The following PPP2R5E variants were observed in gnomAD, a reference collection of about 807,000 sequenced individuals.
The protein encoded by PPP2R5E is serine/threonine-protein phosphatase 2A 56 kDa regulatory subunit epsilon isoform.
In PPP2R5E, 4 loss-of-function variants were observed where a neutral mutation model predicts 65.3. The observed-to-expected ratio is 0.06, with a 90% CI of 0.03 to 0.14. The LOEUF (loss-of-function observed/expected upper bound fraction) is 0.14. Among genes scored for constraint, PPP2R5E ranks in the 10% least tolerant of loss-of-function variants. The probability of loss-of-function intolerance (pLI) is 1.00; values close to 1 mark genes in which losing one functional copy is unlikely to be tolerated. For missense variants in PPP2R5E, 274 were observed against 556.1 expected (o/e 0.49, Z 5.10); for synonymous variants, 183 against 187.4 (o/e 0.98, Z 0.19).
At chr14:63,443,980 C>T (rs1347123646) in intron 3 of PPP2R5E, among the ~76,000 whole-genome samples, 1 of 152,204 alleles carries the variant, frequency 6.6e-6, no homozygotes, top group African/African-American at 2.4e-5. Flanking sequence ...TGATTCCTCT[C>T]TGCCTTCAAT....
At chr14:63,495,417 C>CAAAAAAA (rs772700927) in intron 2 of PPP2R5E, among the ~76,000 whole-genome samples, 13,603 of 92,394 alleles carry the variant, frequency 0.15, 934 homozygotes, top group East Asian at 0.35. Context: ...ACTAAAAATA[C>CAAAAAAA]AAAAAAAAAA....
At chr14:63,398,190 A>G (rs1174416613) in intron 5 of PPP2R5E, among the ~76,000 whole-genome samples, 1 of 152,214 alleles carries the variant, frequency 6.6e-6, no homozygotes, top group African/African-American at 2.4e-5. Flanking sequence ...AACAGATTCA[A>G]CTCAATCTCT....
At chr14:63,454,587 T>G (rs1889019128) in intron 2 of PPP2R5E, among the ~76,000 whole-genome samples, 1 of 152,238 alleles carries the variant, frequency 6.6e-6, no homozygotes, top group Non-Finnish European at 1.5e-5. Context: ...AATGGACATC[T>G]GCTCTTTTCC....
intron 2 of PPP2R5E, among the ~76,000 whole-genome samples, chr14:63,473,169 A>G (rs1350939310): frequency 1.3e-5 from 2 of 152,238 alleles, no homozygotes; most frequent in African/African-American, 2.4e-5. Flanking sequence ...TGAAACAATC[A>G]GACAGAGAAG....
intron 3 of PPP2R5E, among the ~76,000 whole-genome samples, chr14:63,448,297 A>C (rs537741988): frequency 6.6e-6 from 1 of 152,232 alleles, no homozygotes; most frequent in Non-Finnish European, 1.5e-5. Flanking sequence ...ACTCCATCTC[A>C]AAAATAAATA....
chr14:63,470,820 C>G (rs1056095523), intron 2 of PPP2R5E, among the ~76,000 whole-genome samples: 1 of 147,116 alleles, frequency 6.8e-6, no homozygotes, highest in Non-Finnish European at 1.5e-5. Flanking sequence ...GAAAGACCTC[C>G]GTCTCTACAA....
intron 11 of PPP2R5E, 101 bp from the exon 12 acceptor site, chr14:63,384,672 T>C: frequency 1.0e-6 from 1 of 977,552 alleles, no homozygotes; most frequent in Non-Finnish European, 1.5e-6. Flanking sequence ...AGGCTATTTG[T>C]AAATCATTCA....
At chr14:63,423,356 C>G (rs377539431) in intron 3 of PPP2R5E, among the ~76,000 whole-genome samples, 1 of 152,312 alleles carries the variant, frequency 6.6e-6, no homozygotes. Flanking sequence ...TTCAGCCTCC[C>G]AAAGTGCAGG....
chr14:63,397,118 A>T (rs1357096542), intron 5 of PPP2R5E, among the ~76,000 whole-genome samples: 1 of 152,234 alleles, frequency 6.6e-6, no homozygotes, highest in African/African-American at 2.4e-5. Flanking sequence ...AATAGGTGGT[A>T]AAGCTAGAAT....
At chr14:63,420,819 G>A (rs1334085969) in intron 4 of PPP2R5E, among the ~76,000 whole-genome samples, 2 of 100,886 alleles carry the variant, frequency 2.0e-5, no homozygotes, top group Non-Finnish European at 3.8e-5. Flanking sequence ...TTGGGAGGCC[G>A]AGGCGGGCGG....
chr14:63,433,032 G>GTTTTTTTTTTTTTT (rs747571866), intron 3 of PPP2R5E, among the ~76,000 whole-genome samples: 1 of 96,464 alleles, frequency 1.0e-5, no homozygotes, highest in Non-Finnish European at 2.1e-5. Flanking sequence ...GTTTTGTTTT[G>GTTTTTTTTTTTTTT]TTTTTTTTTT....
intron 2 of PPP2R5E, among the ~76,000 whole-genome samples, chr14:63,488,726 G>A (rs1287791793): frequency 3.3e-5 from 5 of 151,868 alleles, no homozygotes; most frequent in African/African-American, 1.2e-4. Context: ...GCGCATACCT[G>A]TAGTCCCAGC....
At chr14:63,470,649 C>A (rs975715975) in intron 2 of PPP2R5E, among the ~76,000 whole-genome samples, 3 of 150,430 alleles carry the variant, frequency 2.0e-5, no homozygotes, top group Admixed American at 6.6e-5. Context: ...ATAAAACAAG[C>A]AAATTATCTG....
At chr14:63,401,260 T>C (rs142441417) in intron 5 of PPP2R5E, among the ~76,000 whole-genome samples, 68 of 152,238 alleles carry the variant, frequency 4.5e-4, no homozygotes, top group African/African-American at 1.5e-3. Context: ...TGAGCTCTGA[T>C]TTCCAAAACA....
At chr14:63,487,983 A>G (rs1891077806) in intron 2 of PPP2R5E, among the ~76,000 whole-genome samples, 2 of 152,194 alleles carry the variant, frequency 1.3e-5, no homozygotes, top group Admixed American at 6.5e-5. Flanking sequence ...TCTCCAAAAT[A>G]AAAAATGACA....
chr14:63,493,135 A>G (rs1891363917), intron 2 of PPP2R5E, among the ~76,000 whole-genome samples: 1 of 152,154 alleles, frequency 6.6e-6, no homozygotes, highest in Admixed American at 6.5e-5. Context: ...GTTGTATGAT[A>G]GAGCACCCTA....
chr14:63,421,581 T>A (rs1459197902), intron 4 of PPP2R5E, among the ~76,000 whole-genome samples: 1 of 152,208 alleles, frequency 6.6e-6, no homozygotes. Flanking sequence ...GAAACACATT[T>A]GTAGTTAATG....
intron 4 of PPP2R5E, among the ~76,000 whole-genome samples, chr14:63,420,773 C>A (rs574642702): frequency 7.0e-6 from 1 of 143,668 alleles, no homozygotes; most frequent in African/African-American, 2.8e-5. Flanking sequence ...CAACCTGAGG[C>A]CGGGCGCGGT....
At position 63,373,089 on chromosome 14, in the gene PPP2R5E, T is replaced by G. The variant is rs1883776980; in HGVS notation, c.*2920A>C. 1 of 152,136 alleles carries G rather than the reference T, an allele frequency of 6.6e-6. No homozygotes were observed. Among genetic ancestry groups the G allele is most frequent in the Admixed American group, 6.5e-5 (1 of 15,268 alleles). The allele number at this position is 152,136 out of a possible 1,614,324, so 9.4% of individuals were successfully genotyped here. On this transcript the variant is annotated 3_prime_UTR_variant, in exon 14 of 14. Transcript: ENST00000337537. The stretch of plus-strand genomic sequence containing the variant: ...CAAAGTATGAGATGGGTGAATTCAC[T>G]CACATAGTTGTTCTAGGCCCACAGC...
Sources: gnomAD v4.1 joint callset for allele counts (sites outside exome capture counted in the v4.1 genomes callset) on GRCh38, gnomAD v4.1.1 for gene constraint, MANE v1.5 for transcripts, NCBI Gene and HGNC (gene_info 2026-07-23, HGNC 2026-07-21) for gene names.